The following PRSS54 variants were observed in gnomAD, a reference collection of about 807,000 sequenced individuals.
The protein encoded by PRSS54 is serine protease 54.
A neutral mutation model predicts 19.9 loss-of-function variants in PRSS54; 16 were observed. The ratio of observed to expected loss-of-function variants is 0.80; its 90% CI spans 0.54 to 1.22. The LOEUF is 1.22. Among genes scored for constraint, PRSS54 ranks in the 50% most tolerant of loss-of-function variants. PRSS54 has a pLI of 0.00. For missense variants in PRSS54, 444 were observed against 494.8 expected (o/e 0.90, Z 0.97); for synonymous variants, 177 against 195.8 (o/e 0.90, Z 0.80).
In PRSS54 at chr16:58,290,999, C is replaced by T. The variant is rs142664927; in HGVS notation, c.223G>A (p.Glu75Lys). The T allele has an allele frequency of 4.3e-6, 7 of 1,614,112 alleles. No homozygotes were observed. Among genetic ancestry groups the T allele is most frequent in the Non-Finnish European group, 5.9e-6 (7 of 1,180,052 alleles). Residue 75 changes from glutamate (E) to lysine (K), a missense_variant, in exon 4 of 7, where the codon GAG becomes AAG. By Grantham distance (56) the Glu-to-Lys change is moderately conservative. Transcript: ENST00000567164. ...GATGCGATGCTGAGGACCCAGAACT[C>T]GCTCAGGATGCAGCCGAAAGCCAGG... is the stretch of plus-strand genomic sequence containing the variant. ...THLAFGCILS[E>K]FWVLSIASAI... is the part of the protein sequence containing the mutation.
At chr16:58,291,271 C>T in intron 3 of PRSS54, 135 bp from the exon 4 acceptor site, 1 of 789,016 alleles carries the variant, frequency 1.3e-6, no homozygotes, top group Non-Finnish European at 2.0e-6. Context: ...GTGTCTTCTT[C>T]ACCCTAAAAG....
chr16:58,284,838 G>A (rs1404061090), intron 5 of PRSS54, 117 bp from the exon 6 acceptor site: 10 of 1,118,428 alleles, frequency 8.9e-6, no homozygotes, highest in Non-Finnish European at 1.3e-5. Flanking sequence ...TTTTTGAGTT[G>A]GAGTCTTGTT....
rs1456491369 is a variant in PRSS54, at chr16:58,285,925, G to T, written c.522+12C>A. 1 of 1,613,416 alleles carries T rather than the reference G, an allele frequency of 6.2e-7. No individual in the cohort carries two copies. The highest frequency in any genetic ancestry group is 1.7e-5 in the Admixed American group (1 of 60,006). ...CACACGCAGCCTTCTCTGGGAGGAG[G>T]AATGCCTTAACTGCAGATGTGGGAT... is the stretch of plus-strand genomic sequence containing the variant. On this transcript the variant is annotated intron_variant, in intron 5 of 6. Coordinates refer to ENST00000567164, the MANE Select transcript of PRSS54 (RefSeq NM_001305173.2).
intron 5 of PRSS54, 31 bp downstream of exon 5, chr16:58,285,906 C>T (rs1395187197): frequency 6.2e-7 from 1 of 1,611,326 alleles, no homozygotes; most frequent in Non-Finnish European, 8.5e-7. Context: ...AGCACACACG[C>T]AGCCTTCTCT....
chr16:58,294,181 C>T lies in PRSS54; in HGVS notation c.-203G>A, dbSNP rs1046856077. ...TGCTTTTTGACTCGTGGAATTCAAC[C>T]CTTGCCTTAACTCTGTAGCCATAAA... On this transcript the variant is annotated 5_prime_UTR_variant, in exon 2 of 7. Coordinates refer to ENST00000567164, the MANE Select transcript of PRSS54 (RefSeq NM_001305173.2). The T allele has an allele frequency of 7.7e-6, 2 of 258,638 alleles. No individual in the cohort carries two copies. Among genetic ancestry groups the T allele is most frequent in the Non-Finnish European group, 1.5e-5 (2 of 132,502 alleles). 16.0% of individuals were successfully genotyped at this position (258,638 alleles called of 1,614,324 possible). A position where few individuals can be genotyped will look rare whatever the true frequency, so the allele number is the denominator to read the frequency against.
intron 3 of PRSS54, among the ~76,000 whole-genome samples, chr16:58,292,911 G>T (rs1247802612): frequency 1.3e-5 from 2 of 152,196 alleles, no homozygotes; most frequent in African/African-American, 4.8e-5. Flanking sequence ...CCCCTTAGCT[G>T]TGGCTTTTTA....
intron 4 of PRSS54, among the ~76,000 whole-genome samples, chr16:58,289,051 G>A (rs1357895812): frequency 2.0e-5 from 3 of 152,044 alleles, no homozygotes; most frequent in African/African-American, 7.2e-5. Flanking sequence ...GATTAAATGA[G>A]GTATAAGGAG....
Position 58,293,616 on chromosome 16 carries a change from G to A in PRSS54, c.85+116C>T, listed in dbSNP as rs184391942. On this transcript the variant is annotated intron_variant, in intron 3 of 6. Coordinates refer to ENST00000567164, the MANE Select transcript of PRSS54 (RefSeq NM_001305173.2). Reference sequence around the variant, plus strand: ...CAGGCCGCCCGGTGCAAAGTGCCGTGAGTCATCTTCCCTGAGCCCCTCCTT... The same window carrying A: ...CAGGCCGCCCGGTGCAAAGTGCCGTAAGTCATCTTCCCTGAGCCCCTCCTT... 283 of 1,521,026 alleles carry A rather than the reference G, an allele frequency of 1.9e-4. 1 individual carries two copies. The African/African-American group carries it at 3.5e-3, about 19-fold the overall frequency. The allele number at this position is 1,521,026 out of a possible 1,614,324, so 94.2% of individuals were successfully genotyped here.
intron 5 of PRSS54, among the ~76,000 whole-genome samples, chr16:58,285,723 C>CAAAAA (rs1178010291): frequency 3.8e-5 from 3 of 78,818 alleles, no homozygotes; most frequent in Non-Finnish European, 7.1e-5. Context: ...GACCCTGTCT[C>CAAAAA]AAAAAAAAAA....
chr16:58,286,187 A>G lies in PRSS54; in HGVS notation c.272T>C (p.Ile91Thr), dbSNP rs141787234. The change falls in exon 5 of 7, where the codon ATT (isoleucine) becomes ACT (threonine). Residue 91 changes from isoleucine to threonine, a missense_variant. Ile to Thr is a moderately conservative substitution (Grantham distance 89). Coordinates refer to ENST00000567164, the MANE Select transcript of PRSS54 (RefSeq NM_001305173.2). ...GTTACTTATACCCACTATAACGACA[A>G]TGTCCTTCCTGGAGAGAGAGCAAGG... ...IASAIQNRKD[I>T]VVIVGISNMD... is the part of the protein sequence containing the mutation. 9.3e-6 allele frequency: 15 copies of G among 1,614,130 alleles called. No individual in the cohort carries two copies. The highest frequency in any genetic ancestry group is 2.7e-5 in the African/African-American group (2 of 75,076).
In PRSS54 at chr16:58,285,026, G is replaced by A. The variant is rs374366495; in HGVS notation, c.523-305C>T. ...GATGGAGTTTCACCATGTTGGTCAG[G>A]CTGGTCTCGAACTCCTGACCTCAAG... On this transcript the variant is annotated intron_variant, in intron 5 of 6. Transcript: ENST00000567164. 3.9e-5 allele frequency among the ~76,000 whole-genome samples: 6 copies of A among 152,210 alleles called. No homozygotes were observed. In the East Asian group the frequency reaches 1.2e-3, roughly 29 times the overall value.
intron 4 of PRSS54, among the ~76,000 whole-genome samples, chr16:58,288,318 C>G (rs184893346): frequency 6.6e-6 from 1 of 152,176 alleles, no homozygotes; most frequent in African/African-American, 2.4e-5. Context: ...CCCAGCTACT[C>G]GGGAGGCTGA....
chr16:58,284,289 C>G, intron 6 of PRSS54: 3 of 323,896 alleles, frequency 9.3e-6, no homozygotes, highest in Non-Finnish European at 1.2e-5. Context: ...TAGACCTGCT[C>G]AAAGCATATC....
Position 58,284,392 on chromosome 16 carries a change from C to T in PRSS54, c.654+198G>A, listed in dbSNP as rs144302356. 6.4e-3 allele frequency: 3,440 copies of T among 534,868 alleles called. 11 individuals are homozygous for T. The highest frequency in any genetic ancestry group is 9.2e-3 in the Non-Finnish European group (2,766 of 299,418). The allele number at this position is 534,868 out of a possible 1,614,324, so 33.1% of individuals were successfully genotyped here. A position where few individuals can be genotyped will look rare whatever the true frequency, so the allele number is the denominator to read the frequency against. ...AGCTTCATCATGTTACACTGAAAAT[C>T]GTGACTGGTTAGTTCATTCAGCAGA... is the stretch of plus-strand genomic sequence containing the variant. On this transcript the variant is annotated intron_variant, in intron 6 of 6. Coordinates refer to ENST00000567164, the MANE Select transcript of PRSS54 (RefSeq NM_001305173.2).
rs1333588412 is a variant in PRSS54, at chr16:58,287,496, T to C, written c.264-1301A>G. Among the ~76,000 whole-genome samples the C allele has an allele frequency of 2.0e-5, 3 of 152,162 alleles. No homozygotes were observed. The East Asian group carries it at 5.8e-4, about 29-fold the overall frequency. ...ACAGAGCTGTGTAGAGTGGGTCACT[T>C]AGCTGGTAAAAGCAGCCAACCAGCA... On this transcript the variant is annotated intron_variant, in intron 4 of 6. Coordinates refer to ENST00000567164, the MANE Select transcript of PRSS54 (RefSeq NM_001305173.2).
intron 3 of PRSS54, among the ~76,000 whole-genome samples, chr16:58,291,379 C>A (rs1449274092): frequency 1.3e-5 from 2 of 152,202 alleles, no homozygotes; most frequent in Admixed American, 6.5e-5. Flanking sequence ...CAGTGTCTGC[C>A]ACCTTTCATA....
chr16:58,292,554 C>T (rs930995699), intron 3 of PRSS54, among the ~76,000 whole-genome samples: 9 of 54,296 alleles, frequency 1.7e-4, no homozygotes, highest in Non-Finnish European at 2.6e-4. Context: ...GAGGACCTCT[C>T]CATGATGGAG....
chr16:58,291,169 G>T (rs1056002755), intron 3 of PRSS54, 33 bp from the exon 4 acceptor site: 3 of 1,605,308 alleles, frequency 1.9e-6, no homozygotes, highest in African/African-American at 2.7e-5. Flanking sequence ...CACTGCCGGG[G>T]CAAGGAGACC....
chr16:58,289,670 C>T (rs923176660), intron 4 of PRSS54, among the ~76,000 whole-genome samples: 1 of 151,640 alleles, frequency 6.6e-6, no homozygotes, highest in African/African-American at 2.4e-5. Flanking sequence ...CTCCCAGGTT[C>T]AAGTGATTCT....
Sources: allele counts gnomAD v4.1 joint callset (sites outside exome capture counted in the v4.1 genomes callset), GRCh38; gene constraint gnomAD v4.1.1; transcripts MANE v1.5; gene names NCBI Gene and HGNC (gene_info 2026-07-23, HGNC 2026-07-21).